Variants in CFAP251 observed in about 807,000 individuals in gnomAD.
CFAP251 encodes the protein cilia- and flagella-associated protein 251.
Under a neutral mutation model 126.7 loss-of-function variants are expected in CFAP251, and 93 were observed. That is an observed-to-expected ratio of 0.73 (90% CI 0.62 to 0.87). CFAP251 has a LOEUF of 0.87. Ranked by LOEUF, CFAP251 falls within the 40% of genes least tolerant of loss-of-function variation. CFAP251 has a pLI of 0.00. For synonymous variants in CFAP251, 503 were observed against 506.9 expected, an observed-to-expected ratio of 0.99 and a Z score of 0.10; for missense variants, 1,287 against 1,389.2, an observed-to-expected ratio of 0.93 and a Z score of 1.17.
chr12:121,956,424 G>A (rs1881729179), intron 10 of CFAP251, among the ~76,000 whole-genome samples: 1 of 152,174 alleles, frequency 6.6e-6, no homozygotes, highest in Non-Finnish European at 1.5e-5. Context: ...ACATGGCCCT[G>A]ATAAAATTGC....
Position 121,942,915 on chromosome 12 carries a change from G to A in CFAP251, c.1131G>A (p.Trp377Ter). Residue 377 changes from tryptophan (W) to a stop codon, truncating the protein, a stop_gained, in exon 7 of 22, where the codon TGG becomes TGA. Transcript: ENST00000288912. LOFTEE classifies it high-confidence loss of function. ...TACAGAAGGTATGCATCTGGAAGTGGACTTTGGCAGTGGAAACGCCAGCAT... is the reference window on the plus strand; with the variant it reads ...TACAGAAGGTATGCATCTGGAAGTGAACTTTGGCAGTGGAAACGCCAGCAT... The part of the protein sequence containing the change: ...AEVQKVCIWK[W>*]TLAVETPACT... The A allele has an allele frequency of 6.2e-7, 1 of 1,614,178 alleles. No individual in the cohort carries two copies. The highest frequency in any genetic ancestry group is 8.5e-7 in the Non-Finnish European group (1 of 1,180,046).
At chr12:121,992,557 T>A in intron 19 of CFAP251, 1 of 864,416 alleles carries the variant, frequency 1.2e-6, no homozygotes, top group Non-Finnish European at 1.4e-6. Flanking sequence ...TATATATATT[T>A]ATATATATTA....
chr12:121,968,789 C>G (rs1882237469), intron 17 of CFAP251: 1 of 569,522 alleles, frequency 1.8e-6, no homozygotes, highest in Admixed American at 6.3e-5. Context: ...TGTAGGATCC[C>G]TGTAAAGATC....
At chr12:121,928,674 A>ATATATATATACGTATATATATAAG (rs1880542936) in intron 3 of CFAP251, among the ~76,000 whole-genome samples, 1 of 17,794 alleles carries the variant, frequency 5.6e-5, no homozygotes, top group African/African-American at 6.5e-4. Flanking sequence ...ATATACGTAT[A>ATATATATATACGTATATATATAAG]TATATATATA....
chr12:121,977,267 A>T (rs1386431930), intron 19 of CFAP251, among the ~76,000 whole-genome samples: 1 of 152,256 alleles, frequency 6.6e-6, no homozygotes, highest in Non-Finnish European at 1.5e-5. Flanking sequence ...TACAGTAAAA[A>T]TATAGTATTA....
intron 4 of CFAP251, chr12:121,933,190 T>A (rs928888236): frequency 2.0e-5 from 3 of 152,206 alleles, no homozygotes; most frequent in Non-Finnish European, 4.4e-5. Flanking sequence ...GTGAAAACGC[T>A]CTAAGGGAGA....
At position 121,923,653 on chromosome 12, in the gene CFAP251, C is replaced by A; in HGVS notation, c.410C>A (p.Ser137Tyr). Residue 137 changes from serine to tyrosine, a missense_variant, in exon 3 of 22, where the codon TCC (serine) becomes TAC (tyrosine). Ser to Tyr is a moderately radical substitution (Grantham distance 144). Transcript: ENST00000288912. ...KTQRGSKSKL[S>Y]LQLEDAETDE... is the part of the protein sequence containing the mutation. ...CAAAGAGGTAGCAAGTCAAAGCTTT[C>A]CTTACAATTGGAGGATGCAGAAACA... The A allele has an allele frequency of 6.2e-7, 1 of 1,611,470 alleles. No individual in the cohort carries two copies. Among genetic ancestry groups the A allele is most frequent in the South Asian group, 1.1e-5 (1 of 90,184 alleles).
At chr12:121,980,291 C>T (rs938360179) in intron 19 of CFAP251, among the ~76,000 whole-genome samples, 1 of 152,226 alleles carries the variant, frequency 6.6e-6, no homozygotes, top group Admixed American at 6.5e-5. Flanking sequence ...GCTTCAGCTT[C>T]CTCATCTACA....
At position 121,975,658 on chromosome 12, in the gene CFAP251, A is replaced by G; in HGVS notation, c.2979A>G (p.Ala993=). The stretch of plus-strand genomic sequence containing the variant: ...CAGAGCTTCCTTTTGTCATGAGAGC[A>G]ATTGGCTTTTACCCATCTGAAGAGA... ...CLSELPFVMR[A]IGFYPSEEKI... Residue 993 remains alanine, a synonymous_variant, in exon 19 of 22, where the codon GCA becomes GCG. Transcript: ENST00000288912. 6.3e-7 allele frequency: 1 copy of G among 1,594,314 alleles called. No homozygotes were observed.
At position 121,968,140 on chromosome 12, in the gene CFAP251, C is replaced by T. The variant is rs766098824; in HGVS notation, c.2742C>T (p.Arg914=). The change falls in exon 17 of 22, where the codon CGC becomes CGT. Residue 914 remains arginine, a synonymous_variant. Coordinates refer to ENST00000288912, the MANE Select transcript of CFAP251 (RefSeq NM_144668.6). ...CYAFTAGGHD[R]SVVQWKITLS... is the part of the protein sequence containing the mutation. The stretch of plus-strand genomic sequence containing the variant: ...CCTTCACTGCGGGAGGGCACGATCG[C>T]TCGGTGGTGCAGTGGAAAATCACCT... 1.2e-6 allele frequency: 2 copies of T among 1,610,358 alleles called. No homozygotes were observed. The highest frequency in any genetic ancestry group is 1.1e-5 in the South Asian group (1 of 90,946).
At chr12:121,999,675 T>A (rs752100454) in intron 19 of CFAP251, 41 bp from the exon 20 acceptor site, 1 of 1,509,862 alleles carries the variant, frequency 6.6e-7, no homozygotes. Context: ...GTGCCTTTTC[T>A]ATTTACTGTG....
At chr12:121,952,445 A>G (rs140502731) in intron 9 of CFAP251, among the ~76,000 whole-genome samples, 1 of 151,968 alleles carries the variant, frequency 6.6e-6, no homozygotes, top group East Asian at 1.9e-4. Flanking sequence ...TGAATGAAAC[A>G]GTGTAAGTAA....
At chr12:121,963,532 C>A (rs376879926) in intron 15 of CFAP251, among the ~76,000 whole-genome samples, 1 of 151,064 alleles carries the variant, frequency 6.6e-6, no homozygotes. Flanking sequence ...GCGTCCGCTG[C>A]TGGGGAGCAG....
At chr12:121,964,144 A>ATTT (rs869275131) in intron 15 of CFAP251, among the ~76,000 whole-genome samples, 41 of 81,876 alleles carry the variant, frequency 5.0e-4, no homozygotes, top group African/African-American at 1.6e-3. Context: ...ACCACCCGGG[A>ATTT]TTTGTTGTTG....
Position 121,921,398 on chromosome 12 carries a change from A to G in CFAP251, c.93A>G (p.Lys31=). The change falls in exon 2 of 22, where the codon AAA becomes AAG. Residue 31 remains lysine, a synonymous_variant. Transcript: ENST00000288912. The part of the protein sequence containing the change: ...KEEEEPNPNY[K]EVEDPQQESK... ...AGGAGGAACCTAATCCAAATTATAA[A>G]GAAGTAGAAGATCCACAACAGGAAT... 1 of 1,613,952 alleles carries G rather than the reference A, an allele frequency of 6.2e-7. No individual in the cohort carries two copies. The highest frequency in any genetic ancestry group is 8.5e-7 in the Non-Finnish European group (1 of 1,179,994).
chr12:121,973,555 G>A (rs1002454170), intron 17 of CFAP251, among the ~76,000 whole-genome samples: 13 of 152,212 alleles, frequency 8.5e-5, no homozygotes, highest in African/African-American at 2.9e-4. Flanking sequence ...ACTAATGCCA[G>A]CCCATGAAAG....
intron 19 of CFAP251, among the ~76,000 whole-genome samples, chr12:121,977,752 G>C (rs963105799): frequency 6.6e-6 from 1 of 151,144 alleles, no homozygotes. Context: ...TCAGAAGATC[G>C]AGACCATCCT....
chr12:122,002,791 T>C (rs1883177963), intron 21 of CFAP251, among the ~76,000 whole-genome samples: 1 of 152,176 alleles, frequency 6.6e-6, no homozygotes, highest in African/African-American at 2.4e-5. Context: ...GGAGCAACTC[T>C]GCTGACAAGC....
At chr12:122,000,988 C>T (rs894026219) in intron 20 of CFAP251, among the ~76,000 whole-genome samples, 14 of 146,860 alleles carry the variant, frequency 9.5e-5, no homozygotes, top group Non-Finnish European at 1.6e-4. Flanking sequence ...CCCAGGAGTT[C>T]GAGACCAGCC....
Sources: allele counts gnomAD v4.1 joint callset (sites outside exome capture counted in the v4.1 genomes callset), GRCh38; gene constraint gnomAD v4.1.1; transcripts MANE v1.5; gene names NCBI Gene and HGNC (gene_info 2026-07-23, HGNC 2026-07-21).